LCLAT1: variants seen among roughly 807,000 people sequenced by gnomAD.
The protein encoded by LCLAT1 is lysocardiolipin acyltransferase 1.
A neutral mutation model predicts 30.7 loss-of-function variants in LCLAT1; 11 were observed. The ratio of observed to expected loss-of-function variants is 0.36; its 90% CI spans 0.23 to 0.59. The LOEUF is 0.59. Ranked by LOEUF, LCLAT1 falls within the 20% of genes least tolerant of loss-of-function variation. LCLAT1 has a pLI of 0.77. For synonymous variants in LCLAT1, 155 were observed against 151.3 expected, an observed-to-expected ratio of 1.02 and a Z score of -0.18; for missense variants, 402 against 458.6, an observed-to-expected ratio of 0.88 and a Z score of 1.13.
At chr2:30,464,535 C>G (rs1391741012) in intron 1 of LCLAT1, among the ~76,000 whole-genome samples, 1 of 152,222 alleles carries the variant, frequency 6.6e-6, no homozygotes, top group East Asian at 1.9e-4. Context: ...AAGACCCCTT[C>G]TTACCAATGT....
intron 1 of LCLAT1, among the ~76,000 whole-genome samples, chr2:30,461,313 C>T (rs891470965): frequency 4.6e-5 from 7 of 152,214 alleles, no homozygotes; most frequent in Non-Finnish European, 1.0e-4. Context: ...CTTTGACAGG[C>T]ATTGTGGTAT....
chr2:30,640,413 T>C lies in LCLAT1; in HGVS notation c.925T>C (p.Leu309=), dbSNP rs114923117. ...KSELRVLVVK[L]LSILYWTLFS... is the part of the protein sequence containing the mutation. ...TGAACTCAGGGTCCTTGTGGTCAAA[T>C]TGCTCTCTATACTGTATTGGACCCT... is the stretch of plus-strand genomic sequence containing the variant. The change falls in exon 6 of 6, where the codon TTG becomes CTG. Residue 309 remains leucine (L), a synonymous_variant. Transcript: ENST00000379509. 6.6e-4 allele frequency: 1,064 copies of C among 1,614,236 alleles called. 7 individuals are homozygous for C. In the African/African-American group the frequency reaches 0.013, roughly 20 times the overall value.
At chr2:30,568,702 T>TA (rs1450498553) in intron 5 of LCLAT1, among the ~76,000 whole-genome samples, 11 of 147,824 alleles carry the variant, frequency 7.4e-5, no homozygotes, top group Non-Finnish European at 1.2e-4. Context: ...AGAGAGGGGG[T>TA]TTCAACATGT....
At chr2:30,568,025 G>A (rs1171437081) in intron 4 of LCLAT1, 35 bp from the exon 5 acceptor site, 5 of 1,113,324 alleles carry the variant, frequency 4.5e-6, no homozygotes, top group African/African-American at 1.6e-5. Flanking sequence ...TTTCCCTTTA[G>A]TTTATGATTT....
Position 30,461,775 on chromosome 2 carries a change from T to C in LCLAT1, c.-5+14392T>C, listed in dbSNP as rs1163453771. Among the ~76,000 whole-genome samples, 24 of 142,716 alleles carry C rather than the reference T, an allele frequency of 1.7e-4. 3 individuals are homozygous for C. Among genetic ancestry groups the C allele is most frequent in the Non-Finnish European group, 2.3e-4 (15 of 64,410 alleles). The allele number at this position is 142,716 out of a possible 152,430, so 93.6% of individuals were successfully genotyped here. ...ACCACTTTTTCTAAATTAAACTTTT[T>C]TTTTTTTTTTTTTGAGACGGAGTCT... On this transcript the variant is annotated intron_variant, in intron 1 of 5. Transcript: ENST00000379509.
intron 5 of LCLAT1, among the ~76,000 whole-genome samples, chr2:30,627,945 T>G (rs967028779): frequency 1.3e-5 from 2 of 152,162 alleles, no homozygotes; most frequent in African/African-American, 4.8e-5. Context: ...AAGTAAATGT[T>G]AATGAAAGCA....
At chr2:30,473,304 G>C (rs1236032662) in intron 1 of LCLAT1, among the ~76,000 whole-genome samples, 1 of 152,054 alleles carries the variant, frequency 6.6e-6, no homozygotes, top group Non-Finnish European at 1.5e-5. Context: ...AAGGAGGGCG[G>C]GTTGTATGCT....
In LCLAT1 at chr2:30,542,953, CTT is replaced by C. The variant is rs34535640; in HGVS notation, c.364+9654_364+9655del. Among the ~76,000 whole-genome samples, 438 of 124,162 alleles carry C rather than the reference CTT, an allele frequency of 3.5e-3. 3 individuals are homozygous for C. The highest frequency in any genetic ancestry group is 0.032 in the East Asian group (143 of 4,464). 81.5% of individuals were successfully genotyped at this position (124,162 alleles called of 152,430 possible). A position where few individuals can be genotyped will look rare whatever the true frequency, so the allele number is the denominator to read the frequency against. On this transcript the variant is annotated intron_variant, in intron 3 of 5. Transcript: ENST00000379509. ...TAATTTTAATATTCGACTTTTATGG[CTT>C]TTTTTTTTTTTTTTGCCTTATTGCG...
intron 3 of LCLAT1, among the ~76,000 whole-genome samples, chr2:30,545,310 T>C (rs1252667739): frequency 6.6e-6 from 1 of 152,138 alleles, no homozygotes; most frequent in East Asian, 1.9e-4. Flanking sequence ...TGTTGACAAT[T>C]TGATGTAATT....
At chr2:30,497,828 A>G (rs941920388) in intron 1 of LCLAT1, among the ~76,000 whole-genome samples, 1 of 152,194 alleles carries the variant, frequency 6.6e-6, no homozygotes, top group Non-Finnish European at 1.5e-5. Flanking sequence ...ATATTAGTAG[A>G]TAACTGTCAC....
chr2:30,494,590 G>T (rs1684006749), intron 1 of LCLAT1, among the ~76,000 whole-genome samples: 1 of 151,466 alleles, frequency 6.6e-6, no homozygotes, highest in African/African-American at 2.4e-5. Flanking sequence ...GTGCATACAT[G>T]TATGCATGCA....
intron 1 of LCLAT1, among the ~76,000 whole-genome samples, chr2:30,453,265 A>G (rs887633680): frequency 1.3e-5 from 2 of 152,092 alleles, no homozygotes; most frequent in African/African-American, 2.4e-5. Flanking sequence ...ATGATGAAGA[A>G]AGAGGAATGA....
intron 3 of LCLAT1, among the ~76,000 whole-genome samples, chr2:30,549,930 CAT>C (rs1156863449): frequency 6.6e-6 from 1 of 152,090 alleles, no homozygotes; most frequent in African/African-American, 2.4e-5. Context: ...CAGGCAGGGA[CAT>C]ATTATGTAGC....
At chr2:30,454,619 ATT>A (rs10710753) in intron 1 of LCLAT1, among the ~76,000 whole-genome samples, 25 of 143,340 alleles carry the variant, frequency 1.7e-4, no homozygotes, top group East Asian at 6.1e-4. Flanking sequence ...CGTCTGGCTA[ATT>A]TTTTTTTTTT....
chr2:30,535,603 G>T (rs1003288286), intron 3 of LCLAT1, among the ~76,000 whole-genome samples: 2 of 152,116 alleles, frequency 1.3e-5, no homozygotes, highest in African/African-American at 4.8e-5. Flanking sequence ...TTCTTACATG[G>T]AACCAAAGTC....
intron 5 of LCLAT1, among the ~76,000 whole-genome samples, chr2:30,633,749 T>C (rs570465814): frequency 1.8e-4 from 28 of 152,178 alleles, no homozygotes; most frequent in Non-Finnish European, 3.4e-4. Context: ...GATTGTGGAA[T>C]GGAGAAAGAA....
chr2:30,486,430 G>A (rs756316253), intron 1 of LCLAT1, among the ~76,000 whole-genome samples: 3 of 152,124 alleles, frequency 2.0e-5, no homozygotes, highest in East Asian at 1.9e-4. Context: ...TAAGTTTAGC[G>A]TTTGAGAACC....
intron 5 of LCLAT1, 99 bp from the exon 6 acceptor site, chr2:30,640,018 C>T: frequency 1.1e-6 from 1 of 890,584 alleles, no homozygotes; most frequent in Admixed American, 2.2e-5. Context: ...TCACACTGTC[C>T]TGATTTTTCG....
chr2:30,461,994 G>A (rs1682168870), intron 1 of LCLAT1, among the ~76,000 whole-genome samples: 1 of 151,468 alleles, frequency 6.6e-6, no homozygotes, highest in Non-Finnish European at 1.5e-5. Context: ...GGATGGTCTC[G>A]ATCTCCTGAC....
Sources: allele counts gnomAD v4.1 joint callset (sites outside exome capture counted in the v4.1 genomes callset), GRCh38; gene constraint gnomAD v4.1.1; transcripts MANE v1.5; gene names NCBI Gene and HGNC (gene_info 2026-07-23, HGNC 2026-07-21).